The following ZBTB16 variants were observed in gnomAD, a reference collection of about 807,000 sequenced individuals.
The protein encoded by ZBTB16 is zinc finger and BTB domain containing 16.
Under a neutral mutation model 56.8 loss-of-function variants are expected in ZBTB16, and 8 were observed. The ratio of observed to expected loss-of-function variants is 0.14; its 90% CI spans 0.08 to 0.25. The LOEUF is 0.25. Among genes scored for constraint, ZBTB16 ranks in the 10% least tolerant of loss-of-function variants. The pLI is 1.00. For missense variants in ZBTB16, 625 were observed against 903.0 expected (o/e 0.69, Z 3.95); for synonymous variants, 363 against 368.5 (o/e 0.98, Z 0.17).
intron 2 of ZBTB16, among the ~76,000 whole-genome samples, chr11:114,147,680 C>T (rs1942144218): frequency 6.6e-6 from 1 of 152,102 alleles, no homozygotes; most frequent in Non-Finnish European, 1.5e-5. Flanking sequence ...CTTTTCTGGT[C>T]TCTTAAAAGA....
intron 4 of ZBTB16, among the ~76,000 whole-genome samples, chr11:114,205,354 G>A (rs1452791623): frequency 6.6e-6 from 1 of 151,404 alleles, no homozygotes; most frequent in Non-Finnish European, 1.5e-5. Flanking sequence ...AGCTTGCAGT[G>A]AGCCGAGATC....
intron 3 of ZBTB16, among the ~76,000 whole-genome samples, chr11:114,173,322 A>C (rs1943019266): frequency 6.6e-6 from 1 of 152,162 alleles, no homozygotes; most frequent in Non-Finnish European, 1.5e-5. Context: ...GACTGGCAGC[A>C]TCGAGGTGCC....
At chr11:114,235,693 T>TCTTTCTC (rs10669266) in intron 4 of ZBTB16, among the ~76,000 whole-genome samples, 1 of 114,304 alleles carries the variant, frequency 8.7e-6, no homozygotes, top group Admixed American at 9.6e-5. Flanking sequence ...TTTCTTTCTT[T>TCTTTCTC]TCTTTCTTTC....
intron 4 of ZBTB16, among the ~76,000 whole-genome samples, chr11:114,214,276 GAGTT>G (rs1944050818): frequency 6.6e-6 from 1 of 152,194 alleles, no homozygotes. Context: ...TACTGGGAAA[GAGTT>G]AGTAGGGGAG....
intron 4 of ZBTB16, among the ~76,000 whole-genome samples, chr11:114,206,489 C>T (rs917636487): frequency 6.6e-6 from 1 of 152,156 alleles, no homozygotes; most frequent in Non-Finnish European, 1.5e-5. Flanking sequence ...GAGATTCTGC[C>T]CCCAGGCAGC....
At chr11:114,183,053 G>A (rs879735672) in intron 3 of ZBTB16, among the ~76,000 whole-genome samples, 9 of 152,140 alleles carry the variant, frequency 5.9e-5, no homozygotes, top group African/African-American at 1.4e-4. Context: ...GCTCGGCTCC[G>A]CTCACGTGTC....
At chr11:114,167,761 A>G (rs556518862) in intron 3 of ZBTB16, among the ~76,000 whole-genome samples, 16 of 152,270 alleles carry the variant, frequency 1.1e-4, no homozygotes, top group Non-Finnish European at 2.1e-4. Flanking sequence ...TTTAAAATCC[A>G]TAGGATTTTG....
intron 2 of ZBTB16, among the ~76,000 whole-genome samples, chr11:114,151,991 A>G (rs541764840): frequency 6.6e-6 from 1 of 152,326 alleles, no homozygotes; most frequent in South Asian, 2.1e-4. Flanking sequence ...TGAAGATGAC[A>G]GGTTGGTCTA....
chr11:114,210,140 GTT>G (rs1943965607), intron 4 of ZBTB16, among the ~76,000 whole-genome samples: 1 of 150,304 alleles, frequency 6.7e-6, no homozygotes, highest in East Asian at 2.0e-4. Context: ...GATCATTAAT[GTT>G]TTCTCTTACA....
At chr11:114,167,380 T>C (rs1338152813) in intron 3 of ZBTB16, among the ~76,000 whole-genome samples, 1 of 76,430 alleles carries the variant, frequency 1.3e-5, no homozygotes, top group Non-Finnish European at 2.2e-5. Context: ...CAGGGCGAGT[T>C]TTTTTGTTTT....
intron 3 of ZBTB16, among the ~76,000 whole-genome samples, chr11:114,174,312 G>GTTT (rs11417322): frequency 2.7e-5 from 4 of 145,874 alleles, no homozygotes; most frequent in Non-Finnish European, 3.0e-5. Flanking sequence ...TCTGACTGAG[G>GTTT]TTTTTTTTTT....
chr11:114,115,255 A>G (rs1037893206), intron 2 of ZBTB16, among the ~76,000 whole-genome samples: 3 of 151,246 alleles, frequency 2.0e-5, no homozygotes, highest in Non-Finnish European at 1.5e-5. Context: ...CCTCCAGCAT[A>G]GTTTAAAGTG....
rs542967926 is a variant in ZBTB16 at position 114,226,182 on chromosome 11, G to GT, written c.1454-15984dup. On this transcript the variant is annotated intron_variant, in intron 4 of 6. Transcript: ENST00000335953. ...AAATTTGAGGTGCATGAGTGAGTCA[G>GT]TAAGTGAGTAACTGAGTGAGGGGTA... 2.8e-3 allele frequency among the ~76,000 whole-genome samples: 431 copies of GT among 152,324 alleles called. 2 individuals are homozygous for GT. The highest frequency in any genetic ancestry group is 9.8e-3 in the African/African-American group (409 of 41,572).
intron 2 of ZBTB16, among the ~76,000 whole-genome samples, chr11:114,109,692 G>T (rs1038696406): frequency 6.6e-6 from 1 of 151,970 alleles, no homozygotes; most frequent in Non-Finnish European, 1.5e-5. Flanking sequence ...AGGAAGAGTT[G>T]GGGGAGGGGA....
At chr11:114,181,732 C>T (rs1003292607) in intron 3 of ZBTB16, among the ~76,000 whole-genome samples, 11 of 152,142 alleles carry the variant, frequency 7.2e-5, no homozygotes, top group Non-Finnish European at 1.6e-4. Context: ...CTATTTTTCT[C>T]GGTTTGCTTG....
rs1455686263 is a variant in ZBTB16, at chr11:114,196,142, ACC to A, written c.1453+9106_1453+9107del. ...TGGTGTCTAAACAGGTGATGTGTAA[ACC>A]CAGGCCAGACAGGCCGCAAAACTGG... is the stretch of plus-strand genomic sequence containing the variant. On this transcript the variant is annotated intron_variant, in intron 4 of 6. Transcript: ENST00000335953. Among the ~76,000 whole-genome samples the A allele has an allele frequency of 2.0e-5, 3 of 152,130 alleles. No homozygotes were observed. In the East Asian group the frequency reaches 5.8e-4, roughly 29 times the overall value.
At chr11:114,078,950 A>T (rs1939664752) in intron 2 of ZBTB16, among the ~76,000 whole-genome samples, 1 of 151,610 alleles carries the variant, frequency 6.6e-6, no homozygotes, top group South Asian at 2.1e-4. Flanking sequence ...TAGTCGGGGG[A>T]GGCTGAGGCA....
In ZBTB16 at chr11:114,204,223, G is replaced by A. The variant is rs572445073; in HGVS notation, c.1453+17185G>A. ...GGCTGGAGTGCCATGGCACGATCTC[G>A]GCTCACTGCCACCTCTACCTTCCGG... On this transcript the variant is annotated intron_variant, in intron 4 of 6. Transcript: ENST00000335953. 2.7e-5 allele frequency among the ~76,000 whole-genome samples: 4 copies of A among 150,278 alleles called. No individual in the cohort carries two copies. The South Asian group carries it at 6.3e-4, about 24-fold the overall frequency.
At chr11:114,163,369 C>G (rs1212971933) in intron 3 of ZBTB16, among the ~76,000 whole-genome samples, 2 of 152,078 alleles carry the variant, frequency 1.3e-5, no homozygotes, top group Non-Finnish European at 2.9e-5. Context: ...TACTGATTTT[C>G]CAGCCCAGAT....
Sources: allele counts gnomAD v4.1 joint callset (sites outside exome capture counted in the v4.1 genomes callset), GRCh38; gene constraint gnomAD v4.1.1; transcripts MANE v1.5; gene names NCBI Gene and HGNC (gene_info 2026-07-23, HGNC 2026-07-21).